Variants in CPVL observed in about 807,000 individuals in gnomAD.
CPVL encodes the protein carboxypeptidase vitellogenic like.
A neutral mutation model predicts 63.7 loss-of-function variants in CPVL; 51 were observed. The observed-to-expected ratio is 0.80, with a 90% CI of 0.64 to 1.01. The LOEUF (loss-of-function observed/expected upper bound fraction) is 1.01. CPVL is among the 50% of genes least tolerant of loss of function. The probability of loss-of-function intolerance (pLI) is 0.00; values close to 1 mark genes in which losing one functional copy is unlikely to be tolerated. For missense variants in CPVL, 530 were observed against 573.1 expected (o/e 0.92, Z 0.77); for synonymous variants, 195 against 206.0 (o/e 0.95, Z 0.46).
At chr7:29,034,229 C>T (rs369911319) in intron 11 of CPVL, among the ~76,000 whole-genome samples, 1 of 152,214 alleles carries the variant, frequency 6.6e-6, no homozygotes, top group East Asian at 1.9e-4. Flanking sequence ...CTCAGCCTCC[C>T]GAGTAGCTGG....
chr7:29,048,511 A>T (rs940775602), intron 11 of CPVL, among the ~76,000 whole-genome samples: 2 of 152,180 alleles, frequency 1.3e-5, no homozygotes, highest in Non-Finnish European at 2.9e-5. Context: ...TGCACCTAAC[A>T]GTGGAGCTCC....
chr7:29,091,946 C>A (rs1785850546), intron 6 of CPVL, among the ~76,000 whole-genome samples: 1 of 152,144 alleles, frequency 6.6e-6, no homozygotes, highest in Admixed American at 6.5e-5. Context: ...CTCCTTCTGG[C>A]CACTAGGGTT....
At chr7:29,044,565 C>T (rs773441516) in intron 11 of CPVL, among the ~76,000 whole-genome samples, 34 of 152,030 alleles carry the variant, frequency 2.2e-4, no homozygotes, top group Admixed American at 3.9e-4. Context: ...TCCCAGTGGC[C>T]CAGTCTTTTA....
Position 29,003,154 on chromosome 7 carries a change from G to GCA in CPVL, c.1321-7274_1321-7273dup, listed in dbSNP as rs535400256. On this transcript the variant is annotated intron_variant, in intron 12 of 12. Transcript: ENST00000265394. ...ATATTACACTATAGTATGTGTATGT[G>GCA]CACACACACACACACACACACACAC... Among the ~76,000 whole-genome samples, 1,070 of 123,746 alleles carry GCA rather than the reference G, an allele frequency of 8.6e-3. 3 individuals carry two copies. Among genetic ancestry groups the GCA allele is most frequent in the South Asian group, 0.028 (120 of 4,238 alleles). The allele number at this position is 123,746 out of a possible 152,430, so 81.2% of individuals were successfully genotyped here. A position where few individuals can be genotyped will look rare whatever the true frequency, so the allele number is the denominator to read the frequency against.
intron 11 of CPVL, among the ~76,000 whole-genome samples, chr7:29,047,245 T>C (rs527765252): frequency 2.0e-5 from 3 of 152,276 alleles, no homozygotes; most frequent in African/African-American, 7.2e-5. Context: ...TTAGAAACCA[T>C]GCAGTTTCAG....
intron 5 of CPVL, among the ~76,000 whole-genome samples, chr7:29,154,078 C>T (rs1343884374): frequency 6.6e-6 from 1 of 152,174 alleles, no homozygotes; most frequent in East Asian, 1.9e-4. Context: ...ACAGCCCTAA[C>T]CTCTGCATTT....
At chr7:29,090,038 T>C (rs1371265464) in intron 6 of CPVL, among the ~76,000 whole-genome samples, 1 of 152,080 alleles carries the variant, frequency 6.6e-6, no homozygotes, top group Non-Finnish European at 1.5e-5. Context: ...AATTTTTCTA[T>C]TTTTAGTAGA....
chr7:29,149,464 G>T (rs537344456), upstream of CPVL, among the ~76,000 whole-genome samples: 38 of 152,144 alleles, frequency 2.5e-4, no homozygotes, highest in African/African-American at 9.2e-4. Context: ...AAAGTGCTGG[G>T]ATTACAGGTG....
At chr7:29,158,412 GAAA>G (rs1275076089) in intron 5 of CPVL, among the ~76,000 whole-genome samples, 3 of 152,186 alleles carry the variant, frequency 2.0e-5, no homozygotes, top group Non-Finnish European at 4.4e-5. Context: ...CATAACCAAA[GAAA>G]ACTAGAGGAA....
At chr7:29,058,559 C>T (rs1790973116) in intron 11 of CPVL, among the ~76,000 whole-genome samples, 1 of 152,100 alleles carries the variant, frequency 6.6e-6, no homozygotes, top group African/African-American at 2.4e-5. Flanking sequence ...CTTACTTTAA[C>T]ATTTCTTACA....
intron 1 of CPVL, among the ~76,000 whole-genome samples, chr7:29,128,416 G>T (rs939089399): frequency 3.9e-5 from 6 of 152,002 alleles, no homozygotes; most frequent in African/African-American, 1.4e-4. Context: ...TTCATGAGTG[G>T]TGACAAAACT....
intron 5 of CPVL, among the ~76,000 whole-genome samples, chr7:29,163,436 A>G (rs949530425): frequency 6.6e-5 from 10 of 152,306 alleles, no homozygotes; most frequent in South Asian, 2.1e-4. Flanking sequence ...TGTGATTCAT[A>G]TTATATTTCT....
rs141004185 is a variant in CPVL at position 29,099,638 on chromosome 7, G to A, written c.289-3421C>T. Among the ~76,000 whole-genome samples, 103 of 152,258 alleles carry A rather than the reference G, an allele frequency of 6.8e-4. 2 individuals are homozygous for A. The East Asian group carries it at 0.019, about 28-fold the overall frequency. On this transcript the variant is annotated intron_variant, in intron 3 of 12. Transcript: ENST00000265394. Reference sequence around the variant, plus strand: ...GAGGCAGGAGAATCACCTGAACCTGGGAGGCAGAGGTTGCAGTGAGCCGAG... The same window carrying A: ...GAGGCAGGAGAATCACCTGAACCTGAGAGGCAGAGGTTGCAGTGAGCCGAG...
upstream of CPVL, among the ~76,000 whole-genome samples, chr7:29,147,654 A>G (rs1476273709): frequency 6.6e-6 from 1 of 152,188 alleles, no homozygotes; most frequent in Non-Finnish European, 1.5e-5. Context: ...TCCATATGGA[A>G]GTACTTCCTA....
At chr7:28,998,686 T>TA (rs561679850) in intron 12 of CPVL, among the ~76,000 whole-genome samples, 2 of 152,104 alleles carry the variant, frequency 1.3e-5, no homozygotes, top group African/African-American at 4.8e-5. Flanking sequence ...AAAATGCCTA[T>TA]ATCAGGAGGA....
chr7:29,104,105 CACACACTCAACACAT>C (rs1787484010), intron 3 of CPVL, among the ~76,000 whole-genome samples: 1 of 152,218 alleles, frequency 6.6e-6, no homozygotes, highest in Non-Finnish European at 1.5e-5. Flanking sequence ...ATTCTACACA[CACACACTCAACACAT>C]ACACACAAGT....
chr7:29,125,388 C>CTTTTT (rs57975250), intron 1 of CPVL, among the ~76,000 whole-genome samples: 1 of 74,140 alleles, frequency 1.3e-5, no homozygotes, highest in African/African-American at 5.2e-5. Context: ...ACTCTCCCGT[C>CTTTTT]TTTTTTTTTT....
At chr7:29,009,145 C>T (rs972102395) in intron 12 of CPVL, 2 of 137,614 alleles carry the variant, frequency 1.5e-5, no homozygotes, top group Non-Finnish European at 3.0e-5. Context: ...ACTCTGCCTT[C>T]GCTGTGTGTG....
At chr7:29,121,922 T>G (rs986682347) in intron 1 of CPVL, among the ~76,000 whole-genome samples, 1 of 152,174 alleles carries the variant, frequency 6.6e-6, no homozygotes, top group Non-Finnish European at 1.5e-5. Context: ...TGCTAGCTGA[T>G]AAGTAAATTA....
Sources: allele counts gnomAD v4.1 joint callset (sites outside exome capture counted in the v4.1 genomes callset), GRCh38; gene constraint gnomAD v4.1.1; transcripts MANE v1.5; gene names NCBI Gene and HGNC (gene_info 2026-07-23, HGNC 2026-07-21).